DNAH7: variants seen among roughly 807,000 people sequenced by gnomAD.
The protein encoded by DNAH7 is dynein axonemal heavy chain 7.
Under a neutral mutation model 444.6 loss-of-function variants are expected in DNAH7, and 397 were observed. The ratio of observed to expected loss-of-function variants is 0.89; its 90% confidence interval spans 0.82 to 0.97. The LOEUF (loss-of-function observed/expected upper bound fraction) is 0.97. DNAH7 is among the 50% of genes least tolerant of loss of function. The pLI is 0.00. For missense variants in DNAH7, 4,902 were observed against 4,800.8 expected, an observed-to-expected ratio of 1.02 and a Z score of -0.62; for synonymous variants, 1,636 against 1,624.4, an observed-to-expected ratio of 1.01 and a Z score of -0.17.
intron 15 of DNAH7, among the ~76,000 whole-genome samples, chr2:195,974,775 C>T (rs1692073394): frequency 6.6e-6 from 1 of 151,508 alleles, no homozygotes; most frequent in Non-Finnish European, 1.5e-5. Flanking sequence ...CACACACACA[C>T]ACACACACAC....
intron 8 of DNAH7, among the ~76,000 whole-genome samples, chr2:196,021,878 G>A (rs1575042231): frequency 6.6e-6 from 1 of 152,106 alleles, no homozygotes; most frequent in East Asian, 1.9e-4. Context: ...TGTAATCCCA[G>A]CACTGTGGGA....
intron 19 of DNAH7, among the ~76,000 whole-genome samples, chr2:195,939,842 C>T (rs1689302026): frequency 6.6e-6 from 1 of 151,226 alleles, no homozygotes; most frequent in East Asian, 1.9e-4. Context: ...ATAGAAAATA[C>T]GGTTTTGTCA....
intron 1 of DNAH7, among the ~76,000 whole-genome samples, chr2:196,062,036 C>T (rs536342604): frequency 6.6e-6 from 1 of 152,274 alleles, no homozygotes; most frequent in African/African-American, 2.4e-5. Context: ...TCCACTTCAT[C>T]TCTGTCAATG....
At chr2:195,883,461 C>CA (rs568366068) in intron 35 of DNAH7, among the ~76,000 whole-genome samples, 11 of 140,874 alleles carry the variant, frequency 7.8e-5, no homozygotes, top group South Asian at 4.3e-4. Flanking sequence ...TCCCCCCCCC[C>CA]AAAAAAAAAG....
intron 34 of DNAH7, 93 bp downstream of exon 34, chr2:195,886,048 G>A: frequency 1.4e-6 from 2 of 1,423,066 alleles, no homozygotes; most frequent in Non-Finnish European, 1.9e-6. Flanking sequence ...TCCAACTTCA[G>A]GGGCAAAATG....
intron 54 of DNAH7, among the ~76,000 whole-genome samples, chr2:195,805,251 G>T (rs75795021): frequency 1.3e-5 from 2 of 151,822 alleles, no homozygotes; most frequent in Admixed American, 6.6e-5. Flanking sequence ...TATAAAACAC[G>T]AACTTTTTTT....
intron 54 of DNAH7, among the ~76,000 whole-genome samples, chr2:195,802,958 C>T (rs896334307): frequency 1.6e-4 from 25 of 152,294 alleles, no homozygotes; most frequent in African/African-American, 5.8e-4. Context: ...ATTCAGTATT[C>T]GTCTTTCTGT....
rs1699847940 is a variant in DNAH7 at position 195,858,532 on chromosome 2, G to T, written c.8009C>A (p.Ala2670Glu). The T allele has an allele frequency of 6.2e-7, 1 of 1,613,684 alleles. No homozygotes were observed. The highest frequency in any genetic ancestry group is 8.5e-7 in the Non-Finnish European group (1 of 1,179,872). ...TGACTCTAATATTGGCAAGGCACCT[G>T]CCAGGTCAGCATCGCACTCATCTTT... ...AIKDECDADL[A>E]GALPILESAL... The change falls in exon 43 of 65, where the codon GCA becomes GAA. Residue 2670 changes from alanine (A) to glutamate (E), a missense_variant. Ala to Glu is a moderately radical substitution (Grantham distance 107). Coordinates refer to ENST00000312428, the MANE Select transcript of DNAH7 (RefSeq NM_018897.3).
At chr2:195,937,241 A>G (rs1689118538) in intron 19 of DNAH7, among the ~76,000 whole-genome samples, 2 of 152,196 alleles carry the variant, frequency 1.3e-5, no homozygotes, top group Non-Finnish European at 2.9e-5. Context: ...TTTTATAACT[A>G]CAGAGAAAAA....
At chr2:195,816,493 CGAT>C (rs1697224270) in intron 51 of DNAH7, 132 bp downstream of exon 51, 1 of 657,912 alleles carries the variant, frequency 1.5e-6, no homozygotes, top group African/African-American at 1.8e-5. Context: ...ACTTCTGATA[CGAT>C]GATTAATCAA....
At chr2:196,047,608 T>C (rs1028832955) in intron 4 of DNAH7, 109 bp from the exon 5 acceptor site, 4 of 977,898 alleles carry the variant, frequency 4.1e-6, no homozygotes, top group African/African-American at 1.7e-5. Flanking sequence ...AAAAATTACA[T>C]TATCAAGTAA....
intron 12 of DNAH7, among the ~76,000 whole-genome samples, chr2:196,000,020 T>C (rs1693936990): frequency 6.6e-6 from 1 of 152,162 alleles, no homozygotes; most frequent in African/African-American, 2.4e-5. Flanking sequence ...AGCTTAAAGG[T>C]ACCAGCAATA....
intron 64 of DNAH7, 116 bp downstream of exon 64, chr2:195,740,650 T>TATATATACAC (rs1453163601): frequency 2.1e-4 from 15 of 72,192 alleles, no homozygotes; most frequent in African/African-American, 9.3e-4. Flanking sequence ...TATATACATA[T>TATATATACAC]ACACACACAC....
intron 33 of DNAH7, 92 bp downstream of exon 33, chr2:195,888,166 G>T: frequency 9.6e-7 from 1 of 1,046,848 alleles, no homozygotes; most frequent in Non-Finnish European, 1.4e-6. Context: ...ATATCTCTTA[G>T]CTGATAATAA....
At chr2:195,838,189 T>A (rs1280421480) in intron 47 of DNAH7, among the ~76,000 whole-genome samples, 1 of 152,070 alleles carries the variant, frequency 6.6e-6, no homozygotes, top group East Asian at 1.9e-4. Context: ...GAAGGAGAAC[T>A]AAGAATTGTG....
In DNAH7 at chr2:196,000,741, A is replaced by G; in HGVS notation, c.1316T>C (p.Phe439Ser). 1.3e-6 allele frequency: 2 copies of G among 1,590,222 alleles called. No individual in the cohort carries two copies. The highest frequency in any genetic ancestry group is 1.7e-6 in the Non-Finnish European group (2 of 1,168,448). Residue 439 changes from phenylalanine to serine, a missense_variant, in exon 12 of 65, where the codon TTT becomes TCT. Coordinates refer to ENST00000312428, the MANE Select transcript of DNAH7 (RefSeq NM_018897.3). ...CAATTTTGTCTCAACTCTTGGCACA[A>G]AACTGACAGCTTTAATCATGACGTC... is the stretch of plus-strand genomic sequence containing the variant. ...VYDVMIKAVS[F>S]VPRVETKLYS...
At chr2:195,921,347 T>C (rs1162587459) in intron 24 of DNAH7, among the ~76,000 whole-genome samples, 1 of 128,528 alleles carries the variant, frequency 7.8e-6, no homozygotes, top group Non-Finnish European at 1.6e-5. Flanking sequence ...AAAGAAAATG[T>C]GGTGTACACA....
chr2:195,950,865 A>AC (rs1240502956), intron 19 of DNAH7, among the ~76,000 whole-genome samples: 9 of 148,710 alleles, frequency 6.1e-5, no homozygotes, highest in African/African-American at 7.4e-5. Context: ...AAAAAAAAAA[A>AC]AAAAAAAAAA....
chr2:195,987,956 C>T lies in DNAH7; in HGVS notation c.1626+1G>A. On this transcript the variant is annotated splice_donor_variant, in intron 13 of 64. Transcript: ENST00000312428. LOFTEE classifies it high-confidence loss of function. ...AGTTGCACAAAACTGGAGTCATTTACCTTTATGGATGTGTACTGTATTTCC... is the reference window on the plus strand; with the variant it reads ...AGTTGCACAAAACTGGAGTCATTTATCTTTATGGATGTGTACTGTATTTCC... 1 of 1,594,234 alleles carries T rather than the reference C, an allele frequency of 6.3e-7. No individual in the cohort carries two copies. Among genetic ancestry groups the T allele is most frequent in the Non-Finnish European group, 8.6e-7 (1 of 1,168,786 alleles).
Sources: gnomAD v4.1 joint callset for allele counts (sites outside exome capture counted in the v4.1 genomes callset) on GRCh38, gnomAD v4.1.1 for gene constraint, MANE v1.5 for transcripts, NCBI Gene and HGNC (gene_info 2026-07-23, HGNC 2026-07-21) for gene names.